Variants in ASCC1 observed in about 807,000 individuals in gnomAD.
ASCC1 encodes activating signal cointegrator 1 complex subunit 1, also known as ASC-1 complex subunit P50.
In ASCC1, 35 loss-of-function variants were observed where a neutral mutation model predicts 46.6. That is an observed-to-expected ratio of 0.75 (90% CI 0.57 to 0.99). The LOEUF (loss-of-function observed/expected upper bound fraction) is 0.99, where lower values mean the gene tolerates loss of function less well. Ranked by LOEUF, ASCC1 falls within the 50% of genes least tolerant of loss-of-function variation. ASCC1 has a pLI of 0.00. For synonymous variants in ASCC1, 143 were observed against 146.6 expected (o/e 0.98, Z 0.18); for missense variants, 376 against 428.7 (o/e 0.88, Z 1.09).
chr10:72,107,496 G>C (rs966332149), intron 9 of ASCC1, among the ~76,000 whole-genome samples: 1 of 152,022 alleles, frequency 6.6e-6, no homozygotes, highest in African/African-American at 2.4e-5. Context: ...CACCACATCC[G>C]GGGTCAAAAA....
At chr10:72,107,363 T>TA (rs1350720667) in intron 9 of ASCC1, among the ~76,000 whole-genome samples, 95 of 140,236 alleles carry the variant, frequency 6.8e-4, no homozygotes, top group African/African-American at 2.0e-3. Context: ...TCCTCAAACC[T>TA]AAAAAAAAAA....
At chr10:72,213,909 G>A (rs1391540329) in intron 1 of ASCC1, among the ~76,000 whole-genome samples, 2 of 151,896 alleles carry the variant, frequency 1.3e-5, no homozygotes, top group Non-Finnish European at 2.9e-5. Flanking sequence ...ATGGTGGCAC[G>A]TGCCTGTAAT....
At chr10:72,097,475 G>T (rs759850732) in intron 9 of ASCC1, 25 bp from the exon 10 acceptor site, 1 of 1,379,950 alleles carries the variant, frequency 7.2e-7, no homozygotes, top group South Asian at 1.2e-5. Flanking sequence ...TAAAAACCCA[G>T]AATGAATATT....
intron 9 of ASCC1, chr10:72,102,414 T>G (rs963680335): frequency 6.5e-7 from 1 of 1,549,420 alleles, no homozygotes; most frequent in East Asian, 2.4e-5. Flanking sequence ...CAGAGACACC[T>G]GTAGCACAGT....
rs192281253 is a variant in ASCC1, at chr10:72,139,136, C to T, written c.747-5955G>A. 1.0e-3 allele frequency among the ~76,000 whole-genome samples: 140 copies of T among 134,936 alleles called. 1 individual carries two copies. The East Asian group carries it at 0.027, about 26-fold the overall frequency. The allele number at this position is 134,936 out of a possible 152,430, so 88.5% of individuals were successfully genotyped here. On this transcript the variant is annotated intron_variant, in intron 7 of 9. Coordinates refer to ENST00000672957, the MANE Select transcript of ASCC1 (RefSeq NM_001198800.3). ...TTTCTTTTTTTTTTTTTTTTTGAGA[C>T]GGCGTCTCACTCTGTTGCCCAGTCT...
intron 9 of ASCC1, among the ~76,000 whole-genome samples, chr10:72,117,351 G>A (rs1037746811): frequency 6.6e-6 from 1 of 152,172 alleles, no homozygotes; most frequent in Non-Finnish European, 1.5e-5. Context: ...CCTTCTTCCA[G>A]AGATTTCTGT....
At chr10:72,105,944 CCTTTT>C (rs1185922944) in intron 9 of ASCC1, among the ~76,000 whole-genome samples, 3 of 152,020 alleles carry the variant, frequency 2.0e-5, no homozygotes, top group African/African-American at 7.3e-5. Flanking sequence ...TGGAGAGGGG[CCTTTT>C]CTTATATCTG....
At position 72,152,927 on chromosome 10, in the gene ASCC1, C is replaced by A; in HGVS notation, c.688G>T (p.Asp230Tyr). 1 of 1,614,122 alleles carries A rather than the reference C, an allele frequency of 6.2e-7. No homozygotes were observed. Among genetic ancestry groups the A allele is most frequent in the Non-Finnish European group, 8.5e-7 (1 of 1,179,988 alleles). Residue 230 changes from aspartate (D) to tyrosine (Y), a missense_variant, in exon 7 of 10, where the codon GAT becomes TAT. Coordinates refer to ENST00000672957, the MANE Select transcript of ASCC1 (RefSeq NM_001198800.3). ...TAAAGAACATCCACCATGCCAGGAT[C>A]ATCATTCATGTATTCTATCCCTGCC... ...EMAGIEYMND[D>Y]PGMVDVLYAK...
chr10:72,199,548 G>C lies in ASCC1; in HGVS notation c.311-2559C>G, dbSNP rs574268673. Among the ~76,000 whole-genome samples, 121 of 151,920 alleles carry C rather than the reference G, an allele frequency of 8.0e-4. 1 individual carries two copies. Among genetic ancestry groups the C allele is most frequent in the Non-Finnish European group, 1.4e-3 (92 of 67,946 alleles). On this transcript the variant is annotated intron_variant, in intron 4 of 9. Coordinates refer to ENST00000672957, the MANE Select transcript of ASCC1 (RefSeq NM_001198800.3). ...CCTGACTTTGTGATGTGCCCTCCTC[G>C]GCCTCCCAAAGTGCTGGGATTACAG...
chr10:72,144,724 AAAAC>A (rs1847433262), intron 7 of ASCC1, among the ~76,000 whole-genome samples: 2 of 152,304 alleles, frequency 1.3e-5, no homozygotes, highest in Admixed American at 1.3e-4. Flanking sequence ...GAAATTAAAA[AAAAC>A]ACTCTAGAAT....
At chr10:72,172,116 G>A in intron 5 of ASCC1, among the ~76,000 whole-genome samples, 1 of 151,938 alleles carries the variant, frequency 6.6e-6, no homozygotes, top group East Asian at 1.9e-4. Flanking sequence ...AGTTTTTTTA[G>A]AAAAACTCTA....
chr10:72,180,452 C>T (rs1202767075), intron 5 of ASCC1, among the ~76,000 whole-genome samples: 2 of 152,098 alleles, frequency 1.3e-5, no homozygotes, highest in East Asian at 3.9e-4. Context: ...ATGGTGAAAC[C>T]TTGTCTCTAC....
chr10:72,174,883 A>G (rs1300947476), intron 5 of ASCC1, among the ~76,000 whole-genome samples: 2 of 152,242 alleles, frequency 1.3e-5, no homozygotes, highest in East Asian at 3.8e-4. Flanking sequence ...AACTTTTTAC[A>G]TGTTCCCACA....
At chr10:72,105,441 A>C (rs1275165600) in intron 9 of ASCC1, among the ~76,000 whole-genome samples, 2 of 152,254 alleles carry the variant, frequency 1.3e-5, no homozygotes, top group Non-Finnish European at 2.9e-5. Context: ...ACAGAGAGCC[A>C]AATAAATGGG....
intron 9 of ASCC1, among the ~76,000 whole-genome samples, chr10:72,115,814 T>A (rs1348283436): frequency 6.6e-6 from 1 of 152,194 alleles, no homozygotes; most frequent in Non-Finnish European, 1.5e-5. Flanking sequence ...TTATTCAGAC[T>A]AGAGAAATGG....
upstream of ASCC1, chr10:72,217,101 C>T: frequency 2.2e-6 from 1 of 453,570 alleles, no homozygotes; most frequent in South Asian, 1.6e-5. Context: ...GAAACACTGC[C>T]CCAGGTTCTG....
chr10:72,202,467 C>CAAAA (rs199869822), intron 4 of ASCC1, among the ~76,000 whole-genome samples: 2 of 130,048 alleles, frequency 1.5e-5, no homozygotes, highest in African/African-American at 5.4e-5. Context: ...GACTCTGTCT[C>CAAAA]AAAAAAAAAA....
chr10:72,156,534 G>C (rs909769965), intron 6 of ASCC1, among the ~76,000 whole-genome samples: 1 of 152,112 alleles, frequency 6.6e-6, no homozygotes, highest in African/African-American at 2.4e-5. Flanking sequence ...AGGCTAAGGC[G>C]GGTGGATCAT....
At chr10:72,213,513 C>G (rs1244531821) in intron 1 of ASCC1, among the ~76,000 whole-genome samples, 182 bp from the exon 2 acceptor site, 1 of 150,870 alleles carries the variant, frequency 6.6e-6, no homozygotes, top group African/African-American at 2.4e-5. Context: ...GCTGCATTTT[C>G]TACCACACTG....
Sources: allele counts gnomAD v4.1 joint callset (sites outside exome capture counted in the v4.1 genomes callset), GRCh38; gene constraint gnomAD v4.1.1; transcripts MANE v1.5; gene names NCBI Gene and HGNC (gene_info 2026-07-23, HGNC 2026-07-21).